The following SASH1 variants were observed in gnomAD, a reference collection of about 807,000 sequenced individuals.
SASH1 encodes SAM and SH3 domain containing 1, also known as SAM and SH3 domain-containing protein 1.
A neutral mutation model predicts 125.2 loss-of-function variants in SASH1; 44 were observed. That is an observed-to-expected ratio of 0.35 (90% CI 0.28 to 0.45). SASH1 has a LOEUF of 0.45. SASH1 is among the 20% of genes least tolerant of loss of function. The pLI is 1.00. For synonymous variants in SASH1, 639 were observed against 649.1 expected, an observed-to-expected ratio of 0.98 and a Z score of 0.24; for missense variants, 1,426 against 1,614.5, an observed-to-expected ratio of 0.88 and a Z score of 2.00.
chr6:148,498,870 C>A (rs934045224), intron 8 of SASH1, among the ~76,000 whole-genome samples: 1 of 152,034 alleles, frequency 6.6e-6, no homozygotes, highest in Non-Finnish European at 1.5e-5. Context: ...TTTGCCCTAG[C>A]GCCGGTCCTT....
chr6:148,341,338 T>G (rs559300671), upstream of SASH1, among the ~76,000 whole-genome samples: 58 of 148,024 alleles, frequency 3.9e-4, no homozygotes, highest in African/African-American at 1.2e-3. Context: ...TTGTTTTTTT[T>G]TTTTTTGTAT....
At chr6:148,232,616 G>A in the SASH1 span, among the ~76,000 whole-genome samples, 1 of 152,194 alleles carries the variant, frequency 6.6e-6, no homozygotes, top group African/African-American at 2.4e-5. Flanking sequence ...GTGGGACAGA[G>A]CCTTAGATGA....
intron 1 of SASH1, among the ~76,000 whole-genome samples, chr6:148,382,329 A>T (rs577239059): frequency 3.3e-5 from 5 of 152,040 alleles, no homozygotes; most frequent in Non-Finnish European, 5.9e-5. Context: ...TCGCTCTGTC[A>T]CCCAGGCTGG....
At chr6:148,209,172 T>G in the SASH1 span, among the ~76,000 whole-genome samples, 2 of 152,256 alleles carry the variant, frequency 1.3e-5, no homozygotes, top group Non-Finnish European at 2.9e-5. Flanking sequence ...ACCTGAATTT[T>G]GATTCAGTGT....
chr6:148,465,548 GAAAAAAA>G (rs564107121), intron 4 of SASH1, among the ~76,000 whole-genome samples: 1 of 100,844 alleles, frequency 9.9e-6, no homozygotes, highest in Non-Finnish European at 2.2e-5. Context: ...GTCTCCAGGA[GAAAAAAA>G]AAAAAAAAAA....
At chr6:148,389,177 C>T (rs1466577034) in intron 1 of SASH1, among the ~76,000 whole-genome samples, 1 of 152,014 alleles carries the variant, frequency 6.6e-6, no homozygotes. Flanking sequence ...TACTACATGC[C>T]GGGTGGACTA....
intron 12 of SASH1, among the ~76,000 whole-genome samples, chr6:148,528,319 C>CCTGT (rs993306532): frequency 1.3e-5 from 2 of 152,152 alleles, no homozygotes; most frequent in African/African-American, 2.4e-5. Context: ...TCCTCCAGCA[C>CCTGT]CTGTATAGCA....
chr6:148,396,478 GAAAAAAAAAAAAAAA>G (rs61277112), intron 2 of SASH1, among the ~76,000 whole-genome samples: 2 of 63,798 alleles, frequency 3.1e-5, no homozygotes, highest in African/African-American at 1.3e-4. Flanking sequence ...CTGCATCTCA[GAAAAAAAAAAAAAAA>G]AAAAAAAAAA....
chr6:148,363,127 G>A (rs1305912243), intron 1 of SASH1, among the ~76,000 whole-genome samples: 1 of 152,174 alleles, frequency 6.6e-6, no homozygotes, highest in East Asian at 1.9e-4. Context: ...GGCTGCAAAG[G>A]AACCTTGGTG....
intron 1 of SASH1, among the ~76,000 whole-genome samples, chr6:148,324,118 C>CAAAAAAA (rs56950339): frequency 0.051 from 3,008 of 59,332 alleles, 670 homozygotes; most frequent in Middle Eastern, 0.11. Flanking sequence ...GAATCTGTCT[C>CAAAAAAA]AAAAAAAAAA....
rs758727802 is a variant in SASH1 at position 148,273,296 on chromosome 6, CT to C, written n.74+934del. 1.4e-3 allele frequency among the ~76,000 whole-genome samples: 183 copies of C among 134,618 alleles called. 1 individual carries two copies. Among genetic ancestry groups the C allele is most frequent in the South Asian group, 0.011 (45 of 4,158 alleles). The allele number at this position is 134,618 out of a possible 152,430, so 88.3% of individuals were successfully genotyped here. A position where few individuals can be genotyped will look rare whatever the true frequency, so the allele number is the denominator to read the frequency against. On this transcript the variant is annotated intron_variant and non_coding_transcript_variant, in intron 1 of 3. Transcript: ENST00000367469. ...TTCTTTTTTAAATTTTTCTTTCTTT[CT>C]TTTTTTTTTTTTTTGAGACAGAGTC...
At chr6:148,502,527 C>T (rs1033570822) in intron 8 of SASH1, among the ~76,000 whole-genome samples, 3 of 152,198 alleles carry the variant, frequency 2.0e-5, no homozygotes, top group African/African-American at 7.2e-5. Context: ...TCTGCCACGG[C>T]CCCAGAGTCA....
At chr6:148,244,731 G>A in the SASH1 span, among the ~76,000 whole-genome samples, 2 of 152,152 alleles carry the variant, frequency 1.3e-5, no homozygotes, top group Non-Finnish European at 2.9e-5. Context: ...GGGCAACTGG[G>A]TCACAGCTGT....
At chr6:148,324,251 T>C (rs779160977) in intron 1 of SASH1, among the ~76,000 whole-genome samples, 1 of 152,120 alleles carries the variant, frequency 6.6e-6, no homozygotes, top group African/African-American at 2.4e-5. Flanking sequence ...AGGATTCCTT[T>C]GTAGTCAGGA....
chr6:148,523,111 A>G lies in SASH1; in HGVS notation c.1210-2180A>G, dbSNP rs139606338. ...AATGAGATTCTAATTTATTGCAGTC[A>G]TAATTTCCACATAAATTCTTTGTCA... On this transcript the variant is annotated intron_variant, in intron 10 of 19. Transcript: ENST00000367467. 2.9e-3 allele frequency among the ~76,000 whole-genome samples: 443 copies of G among 152,374 alleles called. 3 individuals carry two copies. The highest frequency in any genetic ancestry group is 0.01 in the African/African-American group (417 of 41,590).
intron 8 of SASH1, among the ~76,000 whole-genome samples, chr6:148,492,411 T>C (rs73587739): frequency 0.014 from 2,096 of 152,338 alleles, 46 homozygotes; most frequent in African/African-American, 0.047. Flanking sequence ...GGGAGACGTT[T>C]ATGGAGCCCT....
chr6:148,479,106 T>C (rs1778501032), intron 7 of SASH1: 1 of 146,726 alleles, frequency 6.8e-6, no homozygotes, highest in African/African-American at 2.6e-5. Flanking sequence ...TGGAGTGAAG[T>C]AGCATGATCT....
chr6:148,391,387 C>T (rs1347593642), intron 2 of SASH1, among the ~76,000 whole-genome samples: 3 of 139,482 alleles, frequency 2.2e-5, no homozygotes, highest in Admixed American at 1.6e-4. Context: ...GGATTACAGG[C>T]GTGAGCCACC....
chr6:148,412,203 A>G (rs963472038), intron 2 of SASH1, among the ~76,000 whole-genome samples: 1 of 152,218 alleles, frequency 6.6e-6, no homozygotes, highest in African/African-American at 2.4e-5. Flanking sequence ...GGATTGAGAA[A>G]TTTATGGTTC....
Sources: allele counts gnomAD v4.1 joint callset (sites outside exome capture counted in the v4.1 genomes callset), GRCh38; gene constraint gnomAD v4.1.1; transcripts MANE v1.5; gene names NCBI Gene and HGNC (gene_info 2026-07-23, HGNC 2026-07-21).